Variants in HEATR6 observed in about 807,000 individuals in gnomAD.
The protein encoded by HEATR6 is HEAT repeat containing 6.
A neutral mutation model predicts 132.8 loss-of-function variants in HEATR6; 106 were observed. The ratio of observed to expected loss-of-function variants is 0.80; its 90% CI spans 0.68 to 0.94. The LOEUF (loss-of-function observed/expected upper bound fraction) is 0.94, where lower values mean the gene tolerates loss of function less well. Among genes scored for constraint, HEATR6 ranks in the 40% least tolerant of loss-of-function variants. HEATR6 has a pLI of 0.00. For missense variants in HEATR6, 1,339 were observed against 1,425.1 expected (o/e 0.94, Z 0.97); for synonymous variants, 529 against 537.8 (o/e 0.98, Z 0.23).
At chr17:60,074,230 C>T (rs556615683) in intron 2 of HEATR6, 17 of 553,584 alleles carry the variant, frequency 3.1e-5, no homozygotes, top group African/African-American at 2.6e-4. Flanking sequence ...ATAATAAACA[C>T]TCAATGAATA....
Position 60,059,920 on chromosome 17 carries a change from T to C in HEATR6, c.1593A>G (p.Ser531=). Residue 531 remains serine (S), a synonymous_variant, in exon 10 of 20, where the codon TCA becomes TCG. Transcript: ENST00000184956. ...RCLLLALVAE[S]SSQTVTQIIK... ...TTATCTGAGTAACGGTCTGTGAGGA[T>C]GACTCCGCCACCAAAGCTAACAAAA... is the stretch of plus-strand genomic sequence containing the variant. 1 of 1,613,766 alleles carries C rather than the reference T, an allele frequency of 6.2e-7. No individual in the cohort carries two copies. The highest frequency in any genetic ancestry group is 1.3e-5 in the African/African-American group (1 of 75,024).
chr17:60,051,035 G>A, intron 14 of HEATR6, 58 bp from the exon 15 acceptor site: 2 of 1,583,552 alleles, frequency 1.3e-6, no homozygotes, highest in Non-Finnish European at 1.7e-6. Context: ...AACCAACTTG[G>A]AGCTAAGCCT....
At chr17:60,047,142 G>A (rs1029383908) in intron 18 of HEATR6, among the ~76,000 whole-genome samples, 167 bp downstream of exon 18, 17 of 152,146 alleles carry the variant, frequency 1.1e-4, no homozygotes, top group East Asian at 3.9e-4. Context: ...AACCATACAC[G>A]TGTGGAATGG....
At chr17:60,062,384 G>T (rs1207586622) in intron 9 of HEATR6, among the ~76,000 whole-genome samples, 1 of 152,204 alleles carries the variant, frequency 6.6e-6, no homozygotes, top group Non-Finnish European at 1.5e-5. Context: ...AAGTCAGTGT[G>T]CTTGGTTTTA....
chr17:60,071,163 T>A (rs1306159007), intron 5 of HEATR6, among the ~76,000 whole-genome samples: 2 of 152,188 alleles, frequency 1.3e-5, no homozygotes, highest in African/African-American at 4.8e-5. Flanking sequence ...CTCTGTAATA[T>A]GGCAAACCCA....
At position 60,073,271 on chromosome 17, in the gene HEATR6, T is replaced by A. The variant is rs749587516; in HGVS notation, c.477A>T (p.Pro159=). The A allele has an allele frequency of 8.1e-6, 13 of 1,597,624 alleles. No individual in the cohort carries two copies. In the South Asian group the frequency reaches 1.1e-4, roughly 14 times the overall value. ...AGAGTCCGGTGTTGCCTAGCAGCTCTGGGAGGTACTAAGAAAAATAAGAGT... is the reference window on the plus strand; with the variant it reads ...AGAGTCCGGTGTTGCCTAGCAGCTCAGGGAGGTACTAAGAAAAATAAGAGT... ...CNGSKCQKYL[P]ELLGNTGLLM... The change falls in exon 4 of 20, where the codon CCA becomes CCT. Residue 159 remains proline, a synonymous_variant. Transcript: ENST00000184956.
chr17:60,077,693 A>T (rs1264230057), intron 1 of HEATR6, among the ~76,000 whole-genome samples: 2 of 152,032 alleles, frequency 1.3e-5, no homozygotes, highest in African/African-American at 2.4e-5. Context: ...TTTATGAACA[A>T]TTTTTTTTCC....
intron 12 of HEATR6, among the ~76,000 whole-genome samples, 197 bp downstream of exon 12, chr17:60,056,851 T>A (rs1906757907): frequency 6.6e-6 from 1 of 152,172 alleles, no homozygotes. Flanking sequence ...CAAAAAGGAA[T>A]GAATCTGCTA....
rs1369120457 is a variant in HEATR6 at position 60,043,867 on chromosome 17, C to T, written c.3242G>A (p.Ser1081Asn). 1.2e-5 allele frequency: 19 copies of T among 1,614,076 alleles called. No individual in the cohort carries two copies. The highest frequency in any genetic ancestry group is 1.7e-5 in the Admixed American group (1 of 59,996). The change falls in exon 20 of 20, where the codon AGC becomes AAC. Residue 1081 changes from serine (S) to asparagine (N), a missense_variant. By Grantham distance (46) the Ser-to-Asn change is conservative. Transcript: ENST00000184956. ...QICQALIHLLSLASASDLPCM... is the reference protein window; with the variant it reads ...QICQALIHLLNLASASDLPCM... The stretch of plus-strand genomic sequence containing the variant: ...AGGGAGGTCCGAGGCACTGGCCAAG[C>T]TCAAGAGGTGAATCAGTGCCTGGCA...
Position 60,043,497 on chromosome 17 carries a change from G to C in HEATR6, c.*66C>G, listed in dbSNP as rs1428672528. 1 of 1,266,076 alleles carries C rather than the reference G, an allele frequency of 7.9e-7. No homozygotes were observed. The highest frequency in any genetic ancestry group is 1.1e-6 in the Non-Finnish European group (1 of 895,068). The allele number at this position is 1,266,076 out of a possible 1,614,324, so 78.4% of individuals were successfully genotyped here. A position where few individuals can be genotyped will look rare whatever the true frequency, so the allele number is the denominator to read the frequency against. On this transcript the variant is annotated 3_prime_UTR_variant, in exon 20 of 20. Transcript: ENST00000184956. ...TCTGCCCCTAAGATGAAATCCCACA[G>C]ATCTTATGCTCAAGCTCAGGTCTTC...
In HEATR6 at chr17:60,049,000, A is replaced by AACG. The variant is rs1568608565; in HGVS notation, c.2547+579_2547+580insCGT. ...ATATATATAATATATATATATATAT[A>AACG]TATATATATATATATATATGGTAAT... On this transcript the variant is annotated intron_variant, in intron 16 of 19. Coordinates refer to ENST00000184956, the MANE Select transcript of HEATR6 (RefSeq NM_022070.5). Among the ~76,000 whole-genome samples the AACG allele has an allele frequency of 5.7e-4, 75 of 130,530 alleles. 2 individuals are homozygous for AACG. Among genetic ancestry groups the AACG allele is most frequent in the African/African-American group, 2.2e-3 (73 of 33,108 alleles). 85.6% of individuals were successfully genotyped at this position (130,530 alleles called of 152,430 possible). A position where few individuals can be genotyped will look rare whatever the true frequency, so the allele number is the denominator to read the frequency against.
chr17:60,066,804 C>T (rs545219797), intron 8 of HEATR6, among the ~76,000 whole-genome samples: 1 of 152,192 alleles, frequency 6.6e-6, no homozygotes, highest in South Asian at 2.1e-4. Context: ...AGCTAGGCAG[C>T]GAGGGACAGT....
Position 60,070,270 on chromosome 17 carries a change from T to G in HEATR6, c.802-422A>C, listed in dbSNP as rs187593527. On this transcript the variant is annotated intron_variant, in intron 6 of 19. Coordinates refer to ENST00000184956, the MANE Select transcript of HEATR6 (RefSeq NM_022070.5). ...AAGAATTACTTCTTACTTTGCTGGC[T>G]GAAGAAGCTGGGTCCCCAGAGATGC... Among the ~76,000 whole-genome samples the G allele has an allele frequency of 4.6e-5, 7 of 152,304 alleles. No individual in the cohort carries two copies. In the East Asian group the frequency reaches 1.4e-3, roughly 29 times the overall value.
Position 60,042,011 on chromosome 17 carries a change from T to C in HEATR6, c.*1552A>G, listed in dbSNP as rs1906186971. ...GAAAAATGCAAAATTTAAATATATATATTCAGTAGAAGTTACCTTCATAAC... is the reference window on the plus strand; with the variant it reads ...GAAAAATGCAAAATTTAAATATATACATTCAGTAGAAGTTACCTTCATAAC... On this transcript the variant is annotated 3_prime_UTR_variant, in exon 20 of 20. Coordinates refer to ENST00000184956, the MANE Select transcript of HEATR6 (RefSeq NM_022070.5). 1.3e-5 allele frequency among the ~76,000 whole-genome samples: 2 copies of C among 152,052 alleles called. No homozygotes were observed. Among genetic ancestry groups the C allele is most frequent in the Admixed American group, 1.3e-4 (2 of 15,252 alleles).
chr17:60,050,706 C>A (rs1906549272), intron 15 of HEATR6, 137 bp downstream of exon 15: 2 of 1,020,558 alleles, frequency 2.0e-6, no homozygotes, highest in Non-Finnish European at 2.9e-6. Flanking sequence ...CCCCAGTGCC[C>A]TCATCCCCAA....
chr17:60,042,338 G>C lies in HEATR6; in HGVS notation c.*1225C>G, dbSNP rs1346695907. Among the ~76,000 whole-genome samples, 2 of 152,034 alleles carry C rather than the reference G, an allele frequency of 1.3e-5. No individual in the cohort carries two copies. Among genetic ancestry groups the C allele is most frequent in the East Asian group, 3.8e-4 (2 of 5,206 alleles). ...CGGAGCAGCAGCTCATCAGCTGTGA[G>C]GCACCGTCAGCATCCTTGCGTCCTG... On this transcript the variant is annotated 3_prime_UTR_variant, in exon 20 of 20. Transcript: ENST00000184956.
rs2083295431 is a variant in HEATR6 at position 60,076,166 on chromosome 17, C to G, written c.291G>C (p.Val97=). ...PLNQNHLVSK[V]SQLIHHLLNR... ...TAAGTAAATGGTGGATAAGCTGGCT[C>G]ACTTTGCTGACAAGATGATTCTGAT... is the stretch of plus-strand genomic sequence containing the variant. The change falls in exon 2 of 20, where the codon GTG becomes GTC. Residue 97 remains valine, a synonymous_variant. Coordinates refer to ENST00000184956, the MANE Select transcript of HEATR6 (RefSeq NM_022070.5). 1 of 1,611,574 alleles carries G rather than the reference C, an allele frequency of 6.2e-7. No homozygotes were observed. The highest frequency in any genetic ancestry group is 1.7e-5 in the Admixed American group (1 of 59,956).
chr17:60,056,997 A>G, intron 12 of HEATR6, 51 bp downstream of exon 12: 1 of 1,382,026 alleles, frequency 7.2e-7, no homozygotes, highest in East Asian at 2.3e-5. Context: ...AGTCACTCTG[A>G]AGGAGGAATG....
In HEATR6 at chr17:60,049,669, G is replaced by A; in HGVS notation, c.2458C>T (p.Leu820Phe). ...CGATTCTTGCTGTCATTCAGCCCGA[G>A]CAGCACTGTGATGCACAGCATCTGC... is the stretch of plus-strand genomic sequence containing the variant. Reference protein sequence around the residue: ...DRQMLCITVLLGLNDSKNRLV... With the variant: ...DRQMLCITVLFGLNDSKNRLV... The change falls in exon 16 of 20, where the codon CTC becomes TTC. Residue 820 changes from leucine (L) to phenylalanine (F), a missense_variant. By Grantham distance (22) the Leu-to-Phe change is conservative. Transcript: ENST00000184956. 3.7e-6 allele frequency: 6 copies of A among 1,613,628 alleles called. No homozygotes were observed. The highest frequency in any genetic ancestry group is 5.1e-6 in the Non-Finnish European group (6 of 1,179,678).
Sources: gnomAD v4.1 joint callset for allele counts (sites outside exome capture counted in the v4.1 genomes callset) on GRCh38, gnomAD v4.1.1 for gene constraint, MANE v1.5 for transcripts, NCBI Gene and HGNC (gene_info 2026-07-23, HGNC 2026-07-21) for gene names.